The following GALNTL6 variants were observed in gnomAD, a reference collection of about 807,000 sequenced individuals.
GALNTL6 encodes polypeptide N-acetylgalactosaminyltransferase like 6, also known as polypeptide N-acetylgalactosaminyltransferase-like 6.
Under a neutral mutation model 73.7 loss-of-function variants are expected in GALNTL6, and 46 were observed. The observed-to-expected ratio is 0.62, with a 90% CI of 0.49 to 0.80. The LOEUF (loss-of-function observed/expected upper bound fraction) is 0.80. Ranked by LOEUF, GALNTL6 falls within the 30% of genes least tolerant of loss-of-function variation. GALNTL6 has a pLI of 0.00. For synonymous variants in GALNTL6, 259 were observed against 263.7 expected, an observed-to-expected ratio of 0.98 and a Z score of 0.17; for missense variants, 604 against 755.0, an observed-to-expected ratio of 0.80 and a Z score of 2.34.
At chr4:172,574,228 A>G (rs745460118) in intron 5 of GALNTL6, among the ~76,000 whole-genome samples, 2 of 152,120 alleles carry the variant, frequency 1.3e-5, no homozygotes, top group Non-Finnish European at 2.9e-5. Flanking sequence ...CACAAAAGCA[A>G]CTAATGCATC....
intron 7 of GALNTL6, among the ~76,000 whole-genome samples, chr4:172,857,071 G>A (rs1744158112): frequency 6.6e-6 from 1 of 152,230 alleles, no homozygotes; most frequent in South Asian, 2.1e-4. Context: ...CTGTCCAGCA[G>A]TAACTGGATG....
chr4:172,834,304 G>A (rs972936801), intron 7 of GALNTL6, among the ~76,000 whole-genome samples: 23 of 152,146 alleles, frequency 1.5e-4, no homozygotes, highest in African/African-American at 5.3e-4. Flanking sequence ...CATGGCCCAG[G>A]AGTTTAGAAG....
chr4:171,862,380 T>A (rs1735854428), intron 2 of GALNTL6, among the ~76,000 whole-genome samples: 2 of 152,126 alleles, frequency 1.3e-5, no homozygotes, highest in Admixed American at 1.3e-4. Context: ...AAATAAAACC[T>A]CAGTGTGAAC....
intron 2 of GALNTL6, among the ~76,000 whole-genome samples, chr4:171,989,532 G>A (rs1431945110): frequency 6.6e-6 from 1 of 152,212 alleles, no homozygotes; most frequent in Non-Finnish European, 1.5e-5. Flanking sequence ...GGAACCCCTG[G>A]CAGCTGCGGT....
chr4:172,567,724 T>C (rs1266426305), intron 5 of GALNTL6, among the ~76,000 whole-genome samples: 1 of 152,120 alleles, frequency 6.6e-6, no homozygotes, highest in Non-Finnish European at 1.5e-5. Flanking sequence ...TAATCCCAGC[T>C]ACTTGAGAAG....
intron 2 of GALNTL6, among the ~76,000 whole-genome samples, chr4:172,125,156 C>T (rs1238262346): frequency 1.3e-5 from 2 of 152,062 alleles, no homozygotes; most frequent in Non-Finnish European, 2.9e-5. Context: ...CTGCAAATCA[C>T]ATAAAGTTAG....
intron 2 of GALNTL6, among the ~76,000 whole-genome samples, chr4:172,127,572 T>A (rs1414435377): frequency 6.6e-6 from 1 of 152,282 alleles, no homozygotes; most frequent in African/African-American, 2.4e-5. Flanking sequence ...AGTCATCATT[T>A]CAAGTTATTT....
intron 2 of GALNTL6, among the ~76,000 whole-genome samples, chr4:172,207,598 C>G (rs561216530): frequency 6.6e-6 from 1 of 152,238 alleles, no homozygotes; most frequent in South Asian, 2.1e-4. Context: ...AATACAACAC[C>G]TCTTTCTGGG....
At chr4:172,577,288 C>A (rs957320135) in intron 5 of GALNTL6, among the ~76,000 whole-genome samples, 1 of 152,122 alleles carries the variant, frequency 6.6e-6, no homozygotes, top group Non-Finnish European at 1.5e-5. Context: ...TCTGAGAATA[C>A]ATTAATGAGT....
intron 5 of GALNTL6, among the ~76,000 whole-genome samples, chr4:172,675,871 T>G (rs774977207): frequency 1.3e-5 from 2 of 152,216 alleles, no homozygotes; most frequent in African/African-American, 2.4e-5. Context: ...TTTTGTATCA[T>G]TTCTGAATCC....
intron 4 of GALNTL6, among the ~76,000 whole-genome samples, chr4:172,346,146 C>T (rs1440808650): frequency 6.6e-6 from 1 of 152,208 alleles, no homozygotes; most frequent in Non-Finnish European, 1.5e-5. Context: ...TAGAGCTTAT[C>T]TCTCATGAGC....
intron 2 of GALNTL6, among the ~76,000 whole-genome samples, chr4:172,169,413 T>C (rs995303652): frequency 6.6e-6 from 1 of 152,228 alleles, no homozygotes; most frequent in Non-Finnish European, 1.5e-5. Context: ...CCTAATCTTT[T>C]GGGTAAGATG....
intron 12 of GALNTL6, among the ~76,000 whole-genome samples, chr4:173,031,032 G>C (rs535848465): frequency 2.0e-5 from 3 of 151,984 alleles, no homozygotes; most frequent in Admixed American, 6.6e-5. Flanking sequence ...GAGAGAGAGA[G>C]AGAGAGCACA....
At chr4:171,939,573 G>A (rs1163881542) in intron 2 of GALNTL6, among the ~76,000 whole-genome samples, 1 of 151,832 alleles carries the variant, frequency 6.6e-6, no homozygotes, top group African/African-American at 2.4e-5. Flanking sequence ...TTTCTCTGTG[G>A]AAGTCCCCAA....
At chr4:172,172,504 G>A (rs779065599) in intron 2 of GALNTL6, among the ~76,000 whole-genome samples, 45 of 151,916 alleles carry the variant, frequency 3.0e-4, no homozygotes, top group Non-Finnish European at 4.7e-4. Flanking sequence ...GCTATGACTA[G>A]CATTTTTAAA....
At chr4:172,899,560 A>G (rs1335505338) in intron 8 of GALNTL6, among the ~76,000 whole-genome samples, 4 of 152,210 alleles carry the variant, frequency 2.6e-5, no homozygotes, top group Non-Finnish European at 2.9e-5. Context: ...TAATAACTAT[A>G]GAAATAGCAT....
At chr4:172,972,145 A>G (rs907601687) in intron 10 of GALNTL6, among the ~76,000 whole-genome samples, 5 of 152,208 alleles carry the variant, frequency 3.3e-5, no homozygotes, top group African/African-American at 1.2e-4. Flanking sequence ...AACAACTTAC[A>G]TAAGGCAGAA....
rs1014826544 is a variant in GALNTL6 at position 172,807,932 on chromosome 4, C to T, written c.554-1429C>T. ...CCACCTCCCGGGTTCAATCAATTCT[C>T]CTGCCTCAGTCTCCCAAGTATCTGG... On this transcript the variant is annotated intron_variant, in intron 5 of 12. Coordinates refer to ENST00000506823, the MANE Select transcript of GALNTL6 (RefSeq NM_001034845.3). 2.6e-5 allele frequency among the ~76,000 whole-genome samples: 4 copies of T among 152,214 alleles called. No individual in the cohort carries two copies. In the East Asian group the frequency reaches 7.7e-4, roughly 29 times the overall value.
intron 5 of GALNTL6, among the ~76,000 whole-genome samples, chr4:172,411,578 T>G (rs913312084): frequency 1.4e-4 from 21 of 151,724 alleles, no homozygotes; most frequent in African/African-American, 5.1e-4. Context: ...GCTGATGGCG[T>G]GCTTTCTAAC....
Sources: gnomAD v4.1 joint callset for allele counts (sites outside exome capture counted in the v4.1 genomes callset) on GRCh38, gnomAD v4.1.1 for gene constraint, MANE v1.5 for transcripts, NCBI Gene and HGNC (gene_info 2026-07-23, HGNC 2026-07-21) for gene names.